The following DNAH9 variants were observed in gnomAD, a reference collection of about 807,000 sequenced individuals.
DNAH9 encodes the protein DNAH9 variant protein.
DNAH9 carries 345 observed loss-of-function variants against 471.6 expected under a neutral mutation model. The observed-to-expected ratio is 0.73, with a 90% CI of 0.67 to 0.80. DNAH9 has a LOEUF of 0.80. Ranked by LOEUF, DNAH9 falls within the 30% of genes least tolerant of loss-of-function variation. DNAH9 has a pLI of 0.00. For synonymous variants in DNAH9, 2,093 were observed against 2,123.6 expected, an observed-to-expected ratio of 0.99 and a Z score of 0.40; for missense variants, 5,407 against 5,609.2, an observed-to-expected ratio of 0.96 and a Z score of 1.15.
At chr17:11,598,975 C>T in intron 1 of DNAH9, 60 bp downstream of exon 1, 4 of 790,630 alleles carry the variant, frequency 5.1e-6, no homozygotes, top group Non-Finnish European at 5.0e-6. Flanking sequence ...GAGGAGGAGC[C>T]TTAAGGGACG....
intron 13 of DNAH9, among the ~76,000 whole-genome samples, chr17:11,652,468 G>GT (rs1306339919): frequency 6.6e-6 from 1 of 151,696 alleles, no homozygotes; most frequent in Non-Finnish European, 1.5e-5. Flanking sequence ...TGTATTTTTA[G>GT]TAGAGACAGG....
At chr17:11,804,370 G>A (rs549469596) in intron 43 of DNAH9, among the ~76,000 whole-genome samples, 2 of 152,162 alleles carry the variant, frequency 1.3e-5, no homozygotes, top group African/African-American at 4.8e-5. Context: ...TTAAAAAACT[G>A]GAAGATAAAG....
intron 14 of DNAH9, among the ~76,000 whole-genome samples, chr17:11,664,260 G>A (rs1428596096): frequency 6.6e-6 from 1 of 151,880 alleles, no homozygotes; most frequent in African/African-American, 2.4e-5. Flanking sequence ...GAGAAGGCGG[G>A]GAGGAAGGAG....
chr17:11,850,516 C>T (rs1471610810), intron 49 of DNAH9, among the ~76,000 whole-genome samples: 4 of 152,032 alleles, frequency 2.6e-5, no homozygotes, highest in Admixed American at 6.6e-5. Context: ...GGGGTGGTGG[C>T]GGGTGCCTGT....
At chr17:11,898,543 G>A (rs1254967466) in intron 59 of DNAH9, among the ~76,000 whole-genome samples, 1 of 152,186 alleles carries the variant, frequency 6.6e-6, no homozygotes, top group Non-Finnish European at 1.5e-5. Flanking sequence ...ACAAGTCCAG[G>A]AGGTTATTTC....
chr17:11,766,474 G>C (rs1254584893), intron 36 of DNAH9, among the ~76,000 whole-genome samples: 1 of 152,180 alleles, frequency 6.6e-6, no homozygotes, highest in Admixed American at 6.5e-5. Flanking sequence ...GTGATTTTAA[G>C]TAACCAGGAT....
At chr17:11,910,193 TG>T (rs1973746782) in intron 61 of DNAH9, among the ~76,000 whole-genome samples, 1 of 151,830 alleles carries the variant, frequency 6.6e-6, no homozygotes, top group South Asian at 2.1e-4. Flanking sequence ...AGGCGGAGGT[TG>T]CAGTGAGCCA....
chr17:11,724,817 T>C (rs112186689), intron 27 of DNAH9, among the ~76,000 whole-genome samples: 201 of 152,338 alleles, frequency 1.3e-3, no homozygotes, highest in African/African-American at 4.6e-3. Flanking sequence ...ATTACATTTA[T>C]TGTACACTTT....
At chr17:11,706,759 G>A (rs75274934) in intron 26 of DNAH9, among the ~76,000 whole-genome samples, 2 of 152,142 alleles carry the variant, frequency 1.3e-5, no homozygotes, top group African/African-American at 4.8e-5. Context: ...AGGATATACA[G>A]CATTCATTAA....
chr17:11,702,119 G>A (rs567046154), intron 24 of DNAH9, among the ~76,000 whole-genome samples: 268 of 152,360 alleles, frequency 1.8e-3, no homozygotes, highest in Non-Finnish European at 5.9e-4. Context: ...AAAAATGGGA[G>A]CAAAGAGCAA....
intron 58 of DNAH9, among the ~76,000 whole-genome samples, chr17:11,893,582 G>T (rs1377645751): frequency 2.6e-5 from 4 of 152,130 alleles, no homozygotes; most frequent in Non-Finnish European, 5.9e-5. Context: ...AGATGAAGCT[G>T]GAAACCATCA....
At chr17:11,694,237 GCATATA>G (rs1350416480) in intron 21 of DNAH9, 78 bp from the exon 22 acceptor site, 2 of 1,446,692 alleles carry the variant, frequency 1.4e-6, no homozygotes, top group Non-Finnish European at 1.9e-6. Context: ...TCCGTCTATT[GCATATA>G]CATACATTTA....
At chr17:11,736,388 A>T (rs954024952) in intron 28 of DNAH9, among the ~76,000 whole-genome samples, 2 of 152,210 alleles carry the variant, frequency 1.3e-5, no homozygotes, top group Non-Finnish European at 2.9e-5. Flanking sequence ...AGCCTTAGCT[A>T]TCAGTTGCCA....
Position 11,883,445 on chromosome 17 carries a change from G to T in DNAH9, c.10807-141G>T, listed in dbSNP as rs1373037866. ...GCACCAATTTGACTCCTTGTCTCCTGCTCATGGTCTGAAGCTCTTTGCCAT... is the reference window on the plus strand; with the variant it reads ...GCACCAATTTGACTCCTTGTCTCCTTCTCATGGTCTGAAGCTCTTTGCCAT... On this transcript the variant is annotated intron_variant, in intron 55 of 68. Transcript: ENST00000262442. 28 of 1,188,514 alleles carry T rather than the reference G, an allele frequency of 2.4e-5. No homozygotes were observed. In the South Asian group the frequency reaches 4.1e-4, roughly 18 times the overall value. The allele number at this position is 1,188,514 out of a possible 1,614,324, so 73.6% of individuals were successfully genotyped here.
intron 61 of DNAH9, among the ~76,000 whole-genome samples, chr17:11,914,304 G>A (rs916526465): frequency 3.9e-5 from 6 of 152,008 alleles, no homozygotes; most frequent in East Asian, 3.9e-4. Context: ...CTTTTTATTC[G>A]TTCTCTATAT....
At chr17:11,894,188 T>C (rs1359444019) in intron 58 of DNAH9, among the ~76,000 whole-genome samples, 186 bp from the exon 59 acceptor site, 1 of 152,116 alleles carries the variant, frequency 6.6e-6, no homozygotes, top group Non-Finnish European at 1.5e-5. Context: ...GGGGTGAAAA[T>C]AGAGGGACAC....
At chr17:11,956,003 C>T (rs181686446) in intron 67 of DNAH9, among the ~76,000 whole-genome samples, 26 of 152,182 alleles carry the variant, frequency 1.7e-4, no homozygotes, top group African/African-American at 6.0e-4. Context: ...TTTCTAGATG[C>T]CAGCCACAGG....
chr17:11,624,439 G>A (rs2072933189), intron 6 of DNAH9, among the ~76,000 whole-genome samples: 1 of 152,118 alleles, frequency 6.6e-6, no homozygotes, highest in South Asian at 2.1e-4. Flanking sequence ...AACCTGGGAG[G>A]CAGAGGATGT....
Position 11,874,967 on chromosome 17 carries a change from C to G in DNAH9, c.10261C>G (p.Pro3421Ala), listed in dbSNP as rs1972418549. 6.2e-7 allele frequency: 1 copy of G among 1,613,926 alleles called. No individual in the cohort carries two copies. The highest frequency in any genetic ancestry group is 1.1e-5 in the South Asian group (1 of 91,070). ...SQLKTPIPVT[P>A]ALDPLRMLMD... Reference sequence around the variant, plus strand: ...TCACCAGACTCCCATTCCAGTCACCCCAGCCCTGGATCCCCTGAGGATGCT... The same window carrying G: ...TCACCAGACTCCCATTCCAGTCACCGCAGCCCTGGATCCCCTGAGGATGCT... Residue 3421 changes from proline (P) to alanine (A), a missense_variant, in exon 53 of 69, where the codon CCA becomes GCA. By Grantham distance (27) the Pro-to-Ala change is conservative. This residue lies in a region of DNAH9 where 4,636 missense variants were observed against 4,900.3 expected (regional missense o/e 0.95). Coordinates refer to ENST00000262442, the MANE Select transcript of DNAH9 (RefSeq NM_001372.4).
Sources: gnomAD v4.1 joint callset for allele counts (sites outside exome capture counted in the v4.1 genomes callset) on GRCh38, gnomAD v4.1.1 for gene constraint, gnomAD v4.1.1 regional missense constraint, MANE v1.5 for transcripts, NCBI Gene and HGNC (gene_info 2026-07-23, HGNC 2026-07-21) for gene names.